The following APC variants were observed in gnomAD, a reference collection of about 807,000 sequenced individuals.
APC encodes the protein APC regulator of Wnt signaling pathway, also known as adenomatous polyposis coli protein.
A neutral mutation model predicts 247.0 loss-of-function variants in APC; 72 were observed. The observed-to-expected ratio is 0.29, with a 90% CI of 0.24 to 0.35. The LOEUF is 0.35. Ranked by LOEUF, APC falls within the 10% of genes least tolerant of loss-of-function variation. The probability of loss-of-function intolerance (pLI) is 1.00; values close to 1 mark genes in which losing one functional copy is unlikely to be tolerated. For synonymous variants in APC, 1,254 were observed against 1,162.5 expected, an observed-to-expected ratio of 1.08 and a Z score of -1.60; for missense variants, 3,400 against 3,360.7, an observed-to-expected ratio of 1.01 and a Z score of -0.29.
Position 112,840,056 on chromosome 5 carries a change from T to G in APC, c.4462T>G (p.Leu1488Val), listed in dbSNP as rs765730576. 6.2e-7 allele frequency: 1 copy of G among 1,614,096 alleles called. No individual in the cohort carries two copies. Among genetic ancestry groups the G allele is most frequent in the Non-Finnish European group, 8.5e-7 (1 of 1,179,996 alleles). ...RVQVLPDADT[L>V]LHFATESTPD... is the part of the protein sequence containing the mutation. The stretch of plus-strand genomic sequence containing the variant: ...CCAGGTTCTTCCAGATGCTGATACT[T>G]TATTACATTTTGCCACGGAAAGTAC... The change falls in exon 16 of 16, where the codon TTA becomes GTA. Residue 1488 changes from leucine to valine, a missense_variant. By Grantham distance (32) the Leu-to-Val change is conservative. This residue lies in a region of APC where 1,788 missense variants were observed against 1,649.5 expected (regional missense o/e 1.08). Transcript: ENST00000257430. The surrounding 1 kb of genome is among the most constrained non-coding windows in gnomAD (Gnocchi z 4.1).
intron 9 of APC, 111 bp from the exon 10 acceptor site, chr5:112,818,855 G>GGGTTGTTTTGTTTTTT: frequency 8.9e-7 from 1 of 1,118,294 alleles, no homozygotes; most frequent in Admixed American, 2.0e-5. Flanking sequence ...GGCGGGGGGG[G>GGGTTGTTTTGTTTTTT]TTGTTTTGTT....
intron 4 of APC, among the ~76,000 whole-genome samples, chr5:112,771,085 T>TTTAC (rs1756994301): frequency 6.6e-6 from 1 of 152,120 alleles, no homozygotes; most frequent in Non-Finnish European, 1.5e-5. Flanking sequence ...TAGGACTCTG[T>TTTAC]AGTCGTTGGA....
At chr5:112,820,319 G>A (rs542049098) in intron 10 of APC, among the ~76,000 whole-genome samples, 1 of 152,088 alleles carries the variant, frequency 6.6e-6, no homozygotes, top group East Asian at 1.9e-4. Flanking sequence ...TTAAGCTTAG[G>A]TATGAAGGTG....
intron 11 of APC, 78 bp from the exon 12 acceptor site, chr5:112,827,027 CTAG>C: frequency 1.4e-5 from 19 of 1,390,454 alleles, no homozygotes; most frequent in Non-Finnish European, 1.9e-5. Context: ...TTTTTTTTTC[CTAG>C]TATTTAAGTT....
At chr5:112,756,830 C>A (rs1237797902) in intron 2 of APC, among the ~76,000 whole-genome samples, 1 of 152,114 alleles carries the variant, frequency 6.6e-6, no homozygotes, top group Non-Finnish European at 1.5e-5. Context: ...AGTTGAGTAT[C>A]CCTTACCCAA....
At chr5:112,835,487 T>C (rs934864550) in intron 15 of APC, among the ~76,000 whole-genome samples, 1 of 151,948 alleles carries the variant, frequency 6.6e-6, no homozygotes, top group Non-Finnish European at 1.5e-5. Context: ...AAACAAAATT[T>C]AGAACAAGAC....
At chr5:112,766,780 A>G (rs1046832230) in intron 3 of APC, among the ~76,000 whole-genome samples, 4 of 152,232 alleles carry the variant, frequency 2.6e-5, no homozygotes, top group Non-Finnish European at 2.9e-5. Flanking sequence ...CATTCAGGAT[A>G]GAAATACTTT....
chr5:112,715,151 T>A (rs747654672), intron 1 of APC, among the ~76,000 whole-genome samples: 2 of 152,234 alleles, frequency 1.3e-5, no homozygotes, highest in Non-Finnish European at 2.9e-5. Context: ...CGTTACTGAA[T>A]TCTACTTGTG....
chr5:112,754,149 C>G (rs1754689490), intron 1 of APC, among the ~76,000 whole-genome samples: 1 of 152,158 alleles, frequency 6.6e-6, no homozygotes, highest in Admixed American at 6.5e-5. Flanking sequence ...TATCTTTTGG[C>G]CTCAGTTTGA....
intron 8 of APC, chr5:112,810,419 C>A (rs1315554561): frequency 1.4e-5 from 3 of 214,240 alleles, no homozygotes; most frequent in East Asian, 2.6e-4. Flanking sequence ...AGAAGAGCCA[C>A]AGTTTTATAT....
intron 8 of APC, among the ~76,000 whole-genome samples, chr5:112,807,552 C>G (rs1462890040): frequency 1.3e-5 from 2 of 149,790 alleles, no homozygotes; most frequent in African/African-American, 4.9e-5. Flanking sequence ...TTTTTTCAAG[C>G]AACCTAAGCT....
chr5:112,814,412 A>G (rs1472854733), intron 8 of APC, among the ~76,000 whole-genome samples: 1 of 152,184 alleles, frequency 6.6e-6, no homozygotes, highest in East Asian at 1.9e-4. Context: ...GATATCCATT[A>G]CGAGCATCAT....
chr5:112,751,698 G>A (rs549735000), intron 1 of APC, among the ~76,000 whole-genome samples: 41 of 151,526 alleles, frequency 2.7e-4, no homozygotes, highest in African/African-American at 7.5e-4. Flanking sequence ...ATATTTCATC[G>A]ATGCTTTTGT....
Position 112,823,560 on chromosome 5 carries a change from G to A in APC, c.1408+1569G>A, listed in dbSNP as rs531765657. Among the ~76,000 whole-genome samples the A allele has an allele frequency of 1.8e-3, 268 of 152,292 alleles. 1 individual carries two copies. Among genetic ancestry groups the A allele is most frequent in the African/African-American group, 6.3e-3 (261 of 41,556 alleles). ...TAAGGAGAAAAGAAATCCCAAATAG[G>A]TAAAGGGGAATTCCTTAGTTCAGTC... On this transcript the variant is annotated intron_variant, in intron 11 of 15. Transcript: ENST00000257430.
intron 4 of APC, among the ~76,000 whole-genome samples, chr5:112,768,434 C>G (rs139140943): frequency 6.7e-6 from 1 of 149,296 alleles, no homozygotes; most frequent in East Asian, 2.0e-4. Flanking sequence ...GAAGTATATT[C>G]AGTAACTACT....
At position 112,843,824 on chromosome 5, in the gene APC, A is replaced by C. The variant is rs770755260; in HGVS notation, c.8230A>C (p.Asn2744His). 6.2e-7 allele frequency: 1 copy of C among 1,614,050 alleles called. No homozygotes were observed. Among genetic ancestry groups the C allele is most frequent in the Non-Finnish European group, 8.5e-7 (1 of 1,179,940 alleles). The change falls in exon 16 of 16, where the codon AAT becomes CAT. Residue 2744 changes from asparagine (N) to histidine (H), a missense_variant. Physicochemically the swap from Asn to His is moderately conservative, Grantham distance 68. Around this residue, in one of 9 missense-constraint regions of APC, gnomAD observed 1,788 missense variants for 1,649.5 expected, o/e 1.08. Transcript: ENST00000257430. This position sits in a 1 kb window ranked among gnomAD's most constrained non-coding sequence, Gnocchi z 4.8. ...AACTGAGATAAAACCAGGACAAAAT[A>C]ATCCTGTCCCTGTATCAGAGACTAA... ...KGTEIKPGQN[N>H]PVPVSETNES...
At position 112,842,446 on chromosome 5, in the gene APC, T is replaced by C. The variant is rs1428908199; in HGVS notation, c.6852T>C (p.Pro2284=). The change falls in exon 16 of 16, where the codon CCT becomes CCC. Residue 2284 remains proline, a synonymous_variant. Coordinates refer to ENST00000257430, the MANE Select transcript of APC (RefSeq NM_000038.6). ...CATCTGTGAAATCAGAATTAAGCCC[T>C]GTTGCCAGGCAGACATCCCAAATAG... ...AKPSVKSELS[P]VARQTSQIGG... 6.2e-7 allele frequency: 1 copy of C among 1,613,998 alleles called. No homozygotes were observed. The highest frequency in any genetic ancestry group is 8.5e-7 in the Non-Finnish European group (1 of 1,179,902).
chr5:112,737,545 C>A (rs538406873), upstream of APC, among the ~76,000 whole-genome samples: 1 of 152,350 alleles, frequency 6.6e-6, no homozygotes, highest in East Asian at 1.9e-4. Context: ...ACTCTCCCTC[C>A]CACCTCCGGC....
At chr5:112,788,545 G>T (rs1270281701) in intron 6 of APC, among the ~76,000 whole-genome samples, 1 of 152,132 alleles carries the variant, frequency 6.6e-6, no homozygotes, top group Non-Finnish European at 1.5e-5. Context: ...TAAATGAGTT[G>T]ATATATGTAA....
Sources: allele counts gnomAD v4.1 joint callset (sites outside exome capture counted in the v4.1 genomes callset), GRCh38; gene constraint gnomAD v4.1.1; regional missense constraint gnomAD v4.1.1; non-coding constraint Gnocchi (gnomAD v3.1); transcripts MANE v1.5; gene names NCBI Gene and HGNC (gene_info 2026-07-23, HGNC 2026-07-21).